Variants in RTTN observed in about 807,000 individuals in gnomAD.
The protein encoded by RTTN is rotatin.
Under a neutral mutation model 269.2 loss-of-function variants are expected in RTTN, and 182 were observed. The ratio of observed to expected loss-of-function variants is 0.68; its 90% confidence interval spans 0.60 to 0.76. The LOEUF (loss-of-function observed/expected upper bound fraction) is 0.76, where lower values mean the gene tolerates loss of function less well. RTTN is among the 30% of genes least tolerant of loss of function. The probability of loss-of-function intolerance (pLI) is 0.00; values close to 1 mark genes in which losing one functional copy is unlikely to be tolerated. For synonymous variants in RTTN, 1,006 were observed against 963.5 expected (o/e 1.04, Z -0.82); for missense variants, 2,545 against 2,608.6 (o/e 0.98, Z 0.53).
At position 70,134,575 on chromosome 18, in the gene RTTN, C is replaced by G. The variant is rs780134064; in HGVS notation, c.2886-34G>C. 4 of 1,508,284 alleles carry G rather than the reference C, an allele frequency of 2.7e-6. No homozygotes were observed. The South Asian group carries it at 3.6e-5, about 14-fold the overall frequency. The allele number at this position is 1,508,284 out of a possible 1,614,324, so 93.4% of individuals were successfully genotyped here. On this transcript the variant is annotated intron_variant, in intron 22 of 48. Transcript: ENST00000640769. ...TAAAAGAAAAACAAAAACAAAGAAA[C>G]AACTGAGTAGACCAAGTTTTGTCTA...
At chr18:70,042,068 AAG>A (rs1204238363) in intron 40 of RTTN, among the ~76,000 whole-genome samples, 1 of 152,148 alleles carries the variant, frequency 6.6e-6, no homozygotes, top group Non-Finnish European at 1.5e-5. Context: ...CCAAATAGAA[AAG>A]AGAGACTAAA....
chr18:70,166,886 A>G, intron 13 of RTTN, 33 bp downstream of exon 13: 1 of 1,409,460 alleles, frequency 7.1e-7, no homozygotes, highest in Non-Finnish European at 1.0e-6. Context: ...GTGTCCAATA[A>G]TAACGTAATC....
intron 36 of RTTN, 34 bp from the exon 37 acceptor site, chr18:70,057,866 G>A: frequency 6.9e-7 from 1 of 1,440,040 alleles, no homozygotes; most frequent in Non-Finnish European, 9.7e-7. Context: ...TCCTTCAGAA[G>A]ATTAGTATAC....
intron 18 of RTTN, among the ~76,000 whole-genome samples, chr18:70,142,784 G>C (rs1436262033): frequency 6.6e-6 from 1 of 152,190 alleles, no homozygotes; most frequent in African/African-American, 2.4e-5. Context: ...AGGAGTTCAA[G>C]ACAAGCCTGG....
At chr18:70,182,849 T>C (rs993658815) in intron 10 of RTTN, among the ~76,000 whole-genome samples, 2 of 152,172 alleles carry the variant, frequency 1.3e-5, no homozygotes, top group African/African-American at 4.8e-5. Flanking sequence ...CCATATTTTC[T>C]AAAATTATCT....
rs774549153 is a variant in RTTN at position 70,092,777 on chromosome 18, C to T, written c.3931G>A (p.Gly1311Arg). ...CCCATGAAGGACATAGCATTTCCTC[C>T]ACGCTCCACATAAAAAGAAGTAATG... ...EVITSFYVER[G>R]GNAMSFMGKG... The change falls in exon 29 of 49, where the codon GGA (glycine) becomes AGA (arginine). Residue 1311 changes from glycine to arginine, a missense_variant. Transcript: ENST00000640769. 1 of 1,610,148 alleles carries T rather than the reference C, an allele frequency of 6.2e-7. No homozygotes were observed. The highest frequency in any genetic ancestry group is 8.5e-7 in the Non-Finnish European group (1 of 1,177,248).
intron 40 of RTTN, among the ~76,000 whole-genome samples, chr18:70,043,081 T>A (rs1317737022): frequency 6.6e-6 from 1 of 152,180 alleles, no homozygotes; most frequent in Non-Finnish European, 1.5e-5. Flanking sequence ...TATCCCAGGA[T>A]GAAAACAGGC....
intron 13 of RTTN, 53 bp downstream of exon 13, chr18:70,166,866 C>T (rs1256577543): frequency 2.5e-6 from 3 of 1,178,062 alleles, no homozygotes; most frequent in African/African-American, 3.1e-5. Context: ...TAAGTTTACA[C>T]ACACCCTAAG....
chr18:70,178,434 G>A (rs1426182172), intron 10 of RTTN, among the ~76,000 whole-genome samples: 1 of 152,078 alleles, frequency 6.6e-6, no homozygotes, highest in East Asian at 1.9e-4. Flanking sequence ...TTGTTTAATG[G>A]GTACAGAGAT....
Position 70,150,725 on chromosome 18 carries a change from T to G in RTTN, c.1938A>C (p.Leu646Phe), listed in dbSNP as rs1316088634. Residue 646 changes from leucine to phenylalanine, a missense_variant, in exon 15 of 49, where the codon TTA becomes TTC. By Grantham distance (22) the Leu-to-Phe change is conservative. Transcript: ENST00000640769. ...CGGGTTTAGTGACATTATGGACACC[T>G]AAACATTCCTGTAAAATAATATTAA... is the stretch of plus-strand genomic sequence containing the variant. ...HCCLEITKEC[L>F]GVHNVTKPVS... 1 of 1,582,526 alleles carries G rather than the reference T, an allele frequency of 6.3e-7. No individual in the cohort carries two copies. Among genetic ancestry groups the G allele is most frequent in the Non-Finnish European group, 8.6e-7 (1 of 1,163,238 alleles).
In RTTN at chr18:70,168,971, C is replaced by T. The variant is rs763178901; in HGVS notation, c.1573G>A (p.Val525Ile). The T allele has an allele frequency of 1.2e-6, 2 of 1,613,106 alleles. No homozygotes were observed. Among genetic ancestry groups the T allele is most frequent in the Admixed American group, 1.7e-5 (1 of 60,012 alleles). Residue 525 changes from valine (V) to isoleucine (I), a missense_variant, in exon 12 of 49, where the codon GTT (valine) becomes ATT (isoleucine). Physicochemically the swap from Val to Ile is conservative, Grantham distance 29 (BLOSUM62 3). Coordinates refer to ENST00000640769, the MANE Select transcript of RTTN (RefSeq NM_173630.4). ...TTCAGCTGTTCCAAATAGGCCACAA[C>T]AGCTTCATGAATATTTGGATATTCC... ...SLEYPNIHEA[V>I]VAYLEQLNSE... is the part of the protein sequence containing the mutation.
chr18:70,065,352 A>G (rs1179453547), intron 35 of RTTN, among the ~76,000 whole-genome samples: 1 of 151,700 alleles, frequency 6.6e-6, no homozygotes. Flanking sequence ...AGCAAAATTT[A>G]TATATTGCCA....
At position 70,190,691 on chromosome 18, in the gene RTTN, A is replaced by T. The variant is rs1251385978; in HGVS notation, c.1036T>A (p.Ser346Thr). 6.2e-7 allele frequency: 1 copy of T among 1,610,796 alleles called. No homozygotes were observed. The highest frequency in any genetic ancestry group is 1.1e-5 in the South Asian group (1 of 90,846). The change falls in exon 9 of 49, where the codon TCC (serine) becomes ACC (threonine). Residue 346 changes from serine (S) to threonine (T), a missense_variant. Transcript: ENST00000640769. Reference sequence around the variant, plus strand: ...AAAGGTGAATGAACGGATATCCTGGAGTTTACATGAGCATGACTACTACTT... The same window carrying T: ...AAAGGTGAATGAACGGATATCCTGGTGTTTACATGAGCATGACTACTACTT... ...SGSSSHAHVN[S>T]RISVHSPLDM...
At chr18:70,161,085 TGAC>T (rs2060816107) in intron 14 of RTTN, among the ~76,000 whole-genome samples, 2 of 152,196 alleles carry the variant, frequency 1.3e-5, no homozygotes, top group Non-Finnish European at 2.9e-5. Context: ...TCAGACTGCC[TGAC>T]TTCAAACTAT....
chr18:70,121,705 A>T lies in RTTN; in HGVS notation c.3384-5T>A, dbSNP rs1460933717. On this transcript the variant is annotated splice_region_variant and splice_polypyrimidine_tract_variant and intron_variant, in intron 25 of 48. Transcript: ENST00000640769. Reference sequence around the variant, plus strand: ...GCAGGAAGCACCTGTAAAAACCTATAATGAAAAGACAATAATCATGGTTTC... The same window carrying T: ...GCAGGAAGCACCTGTAAAAACCTATTATGAAAAGACAATAATCATGGTTTC... The T allele has an allele frequency of 6.5e-7, 1 of 1,535,236 alleles. No individual in the cohort carries two copies. The highest frequency in any genetic ancestry group is 2.5e-5 in the East Asian group (1 of 40,506).
chr18:70,120,600 C>G (rs1242657441), intron 26 of RTTN, among the ~76,000 whole-genome samples: 1 of 152,014 alleles, frequency 6.6e-6, no homozygotes, highest in Non-Finnish European at 1.5e-5. Flanking sequence ...TTGTGTAAAG[C>G]TTTATCTTAG....
chr18:70,158,643 C>G (rs549656237), intron 14 of RTTN, among the ~76,000 whole-genome samples: 20 of 152,100 alleles, frequency 1.3e-4, no homozygotes, highest in Non-Finnish European at 2.4e-4. Flanking sequence ...TTAAAAAGCA[C>G]AGAGTGGCAA....
intron 33 of RTTN, among the ~76,000 whole-genome samples, chr18:70,074,244 C>T (rs2058371789): frequency 6.6e-6 from 1 of 151,814 alleles, no homozygotes; most frequent in South Asian, 2.1e-4. Flanking sequence ...GGCTCCAATA[C>T]CCCAGGTCAG....
chr18:70,070,443 A>G (rs1443883947), intron 34 of RTTN, among the ~76,000 whole-genome samples: 2 of 152,178 alleles, frequency 1.3e-5, no homozygotes, highest in East Asian at 1.9e-4. Flanking sequence ...TGCCTATGTC[A>G]AAACTATTTT....
Sources: gnomAD v4.1 joint callset for allele counts (sites outside exome capture counted in the v4.1 genomes callset) on GRCh38, gnomAD v4.1.1 for gene constraint, MANE v1.5 for transcripts, NCBI Gene and HGNC (gene_info 2026-07-23, HGNC 2026-07-21) for gene names.